Variants in EPHA5 observed in about 807,000 individuals in gnomAD.
EPHA5 encodes EPH receptor A5.
A neutral mutation model predicts 105.0 loss-of-function variants in EPHA5; 60 were observed. That is an observed-to-expected ratio of 0.57 (90% CI 0.46 to 0.71). The LOEUF (loss-of-function observed/expected upper bound fraction) is 0.71, where lower values mean the gene tolerates loss of function less well. EPHA5 is among the 30% of genes least tolerant of loss of function. The pLI, the probability that EPHA5 is intolerant of heterozygous loss-of-function variation, is 0.00. For synonymous variants in EPHA5, 513 were observed against 449.1 expected (o/e 1.14, Z -1.80); for missense variants, 1,218 against 1,274.7 (o/e 0.96, Z 0.68).
intron 3 of EPHA5, among the ~76,000 whole-genome samples, chr4:65,517,695 T>C (rs1734239554): frequency 6.6e-6 from 1 of 151,944 alleles, no homozygotes; most frequent in Non-Finnish European, 1.5e-5. Flanking sequence ...AGCTAGCATT[T>C]AGAAAATTAC....
intron 2 of EPHA5, among the ~76,000 whole-genome samples, chr4:65,636,223 T>C (rs1346019994): frequency 6.6e-6 from 1 of 152,210 alleles, no homozygotes; most frequent in Non-Finnish European, 1.5e-5. Flanking sequence ...TGAGTAGCTA[T>C]GTTCTATATG....
intron 11 of EPHA5, among the ~76,000 whole-genome samples, 178 bp from the exon 12 acceptor site, chr4:65,353,281 A>T (rs1723003629): frequency 1.4e-5 from 2 of 147,208 alleles, no homozygotes; most frequent in African/African-American, 2.4e-5. Context: ...TTAAATATTT[A>T]AAAATATTTT....
intron 3 of EPHA5, among the ~76,000 whole-genome samples, chr4:65,515,917 T>G (rs567226507): frequency 3.9e-5 from 6 of 152,246 alleles, no homozygotes; most frequent in African/African-American, 1.4e-4. Context: ...ATATCTCTTC[T>G]TGAACTAGGA....
chr4:65,419,838 T>C (rs77016828), intron 6 of EPHA5, among the ~76,000 whole-genome samples: 3,885 of 152,240 alleles, frequency 0.026, 170 homozygotes, highest in African/African-American at 0.088. Context: ...ATTACAACCT[T>C]GAGACCTCGA....
In EPHA5 at chr4:65,574,601, T is replaced by C. The variant is rs991580122; in HGVS notation, c.910+27040A>G. ...ATATGTCTCTCTCTATATATTGCTG[T>C]ATATATATATACATATATATATATA... is the stretch of plus-strand genomic sequence containing the variant. On this transcript the variant is annotated intron_variant, in intron 3 of 16. Transcript: ENST00000613740. Among the ~76,000 whole-genome samples, 45 of 87,790 alleles carry C rather than the reference T, an allele frequency of 5.1e-4. 1 individual carries two copies. The highest frequency in any genetic ancestry group is 2.1e-3 in the African/African-American group (44 of 21,172). 57.6% of individuals were successfully genotyped at this position (87,790 alleles called of 152,430 possible). A position where few individuals can be genotyped will look rare whatever the true frequency, so the allele number is the denominator to read the frequency against.
intron 11 of EPHA5, among the ~76,000 whole-genome samples, chr4:65,359,712 C>T (rs1452328895): frequency 6.6e-6 from 1 of 151,580 alleles, no homozygotes; most frequent in African/African-American, 2.4e-5. Flanking sequence ...GGTCATTATA[C>T]TGACCTAATC....
At chr4:65,374,715 G>C (rs1283075776) in intron 8 of EPHA5, among the ~76,000 whole-genome samples, 1 of 151,900 alleles carries the variant, frequency 6.6e-6, no homozygotes, top group African/African-American at 2.4e-5. Context: ...ATATATTCAT[G>C]AGTGATCTTT....
intron 14 of EPHA5, 119 bp downstream of exon 14, chr4:65,347,934 TA>T: frequency 9.5e-7 from 1 of 1,053,158 alleles, no homozygotes; most frequent in Non-Finnish European, 1.4e-6. Flanking sequence ...GATCAGAGGG[TA>T]AGCAAAGTAT....
At chr4:65,410,481 G>C (rs918782937) in intron 7 of EPHA5, among the ~76,000 whole-genome samples, 1 of 152,132 alleles carries the variant, frequency 6.6e-6, no homozygotes, top group Admixed American at 6.5e-5. Flanking sequence ...TTACGGTATT[G>C]GGATTGTTTG....
chr4:65,476,127 A>AGTGTGTGTGTGTGT (rs58933650), intron 5 of EPHA5, among the ~76,000 whole-genome samples: 7 of 119,104 alleles, frequency 5.9e-5, no homozygotes, highest in African/African-American at 2.2e-4. Flanking sequence ...AGAGAGAGAG[A>AGTGTGTGTGTGTGT]GTGTGTGTGT....
At chr4:65,440,528 A>ACACACACC (rs368038997) in intron 5 of EPHA5, among the ~76,000 whole-genome samples, 3,790 of 151,782 alleles carry the variant, frequency 0.025, 51 homozygotes, top group African/African-American at 0.037. Context: ...ACACACACAC[A>ACACACACC]CACACAGAGG....
intron 3 of EPHA5, among the ~76,000 whole-genome samples, chr4:65,537,723 T>G (rs576251258): frequency 6.6e-6 from 1 of 151,846 alleles, no homozygotes; most frequent in Non-Finnish European, 1.5e-5. Context: ...AGAGGCCAGT[T>G]AATTTGTTTA....
In EPHA5 at chr4:65,324,045, TAAAATAA is replaced by T; in HGVS notation, c.*62_*68del. ...TTTTCCCTTTTCCCCCTTTTTTTGT[TAAAATAA>T]ATCTCAGTGCTGTTTACAAAGTGCA... On this transcript the variant is annotated 3_prime_UTR_variant, in exon 17 of 17. Transcript: ENST00000613740. 3 of 1,038,534 alleles carry T rather than the reference TAAAATAA, an allele frequency of 2.9e-6. No homozygotes were observed. Among genetic ancestry groups the T allele is most frequent in the Admixed American group, 4.2e-5 (2 of 47,912 alleles). 64.3% of individuals were successfully genotyped at this position (1,038,534 alleles called of 1,614,324 possible). A position where few individuals can be genotyped will look rare whatever the true frequency, so the allele number is the denominator to read the frequency against.
At chr4:65,539,182 C>T (rs1736582474) in intron 3 of EPHA5, among the ~76,000 whole-genome samples, 1 of 151,578 alleles carries the variant, frequency 6.6e-6, no homozygotes, top group Non-Finnish European at 1.5e-5. Context: ...CGAAAACAAA[C>T]TGACTGCCTT....
intron 4 of EPHA5, among the ~76,000 whole-genome samples, chr4:65,493,218 A>G (rs1310495075): frequency 6.6e-6 from 1 of 152,156 alleles, no homozygotes; most frequent in African/African-American, 2.4e-5. Flanking sequence ...TACAAAAAAC[A>G]TATAATAAAA....
Position 65,495,679 on chromosome 4 carries a change from A to G in EPHA5, c.911-136T>C, listed in dbSNP as rs1014910989. ...TTTGCATCAATTTCAAGAAGTTTTC[A>G]TAAGCTTCTGGATCATAAATACCAG... On this transcript the variant is annotated intron_variant, in intron 3 of 16. Coordinates refer to ENST00000613740, the MANE Select transcript of EPHA5 (RefSeq NM_001281766.3). The G allele has an allele frequency of 1.5e-5, 10 of 653,622 alleles. 1 individual carries two copies. The highest frequency in any genetic ancestry group is 2.5e-5 in the Non-Finnish European group (10 of 404,462). 40.5% of individuals were successfully genotyped at this position (653,622 alleles called of 1,614,324 possible).
At chr4:65,562,766 G>C (rs1421406948) in intron 3 of EPHA5, among the ~76,000 whole-genome samples, 1 of 151,964 alleles carries the variant, frequency 6.6e-6, no homozygotes, top group Admixed American at 6.6e-5. Flanking sequence ...AATCTCAAAA[G>C]TCTTCAAGAC....
At position 65,624,281 on chromosome 4, in the gene EPHA5, A is replaced by C. The variant is rs532731149; in HGVS notation, c.246+19082T>G. ...TAATAAAAATTTTATGAATTATTTT[A>C]AATACAAAAACAATTTCCATGAATC... On this transcript the variant is annotated intron_variant, in intron 2 of 16. Coordinates refer to ENST00000613740, the MANE Select transcript of EPHA5 (RefSeq NM_001281766.3). 6.6e-5 allele frequency among the ~76,000 whole-genome samples: 10 copies of C among 152,304 alleles called. No individual in the cohort carries two copies. In the South Asian group the frequency reaches 2.1e-3, roughly 32 times the overall value.
chr4:65,320,748 G>A lies in EPHA5; in HGVS notation c.*3366C>T, dbSNP rs1719578966. On this transcript the variant is annotated 3_prime_UTR_variant, in exon 17 of 17. Coordinates refer to ENST00000613740, the MANE Select transcript of EPHA5 (RefSeq NM_001281766.3). ...CATTTTAAACTTGAAACATGAAACT[G>A]TGTCTTCACTTTTTTACACTGGTCA... 1 of 229,984 alleles carries A rather than the reference G, an allele frequency of 4.3e-6. No individual in the cohort carries two copies. The highest frequency in any genetic ancestry group is 8.6e-6 in the Non-Finnish European group (1 of 116,010). The allele number at this position is 229,984 out of a possible 1,614,324, so 14.2% of individuals were successfully genotyped here.
Sources: allele counts gnomAD v4.1 joint callset (sites outside exome capture counted in the v4.1 genomes callset), GRCh38; gene constraint gnomAD v4.1.1; transcripts MANE v1.5; gene names NCBI Gene and HGNC (gene_info 2026-07-23, HGNC 2026-07-21).